The following ADGRL3 variants were observed in gnomAD, a reference collection of about 807,000 sequenced individuals.
The protein encoded by ADGRL3 is calcium-independent alpha-latrotoxin receptor 3.
Under a neutral mutation model 153.5 loss-of-function variants are expected in ADGRL3, and 62 were observed. The ratio of observed to expected loss-of-function variants is 0.40; its 90% CI spans 0.33 to 0.50. The LOEUF is 0.50. ADGRL3 is among the 20% of genes least tolerant of loss of function. The probability of loss-of-function intolerance (pLI) is 0.47; values close to 1 mark genes in which losing one functional copy is unlikely to be tolerated. For missense variants in ADGRL3, 1,641 were observed against 1,859.4 expected, an observed-to-expected ratio of 0.88 and a Z score of 2.16; for synonymous variants, 710 against 672.5, an observed-to-expected ratio of 1.06 and a Z score of -0.86.
intron 17 of ADGRL3, among the ~76,000 whole-genome samples, chr4:61,971,599 A>G (rs2099027995): frequency 6.6e-6 from 1 of 151,938 alleles, no homozygotes. Context: ...GCTATTGTGA[A>G]TAGTGCTGCA....
chr4:61,367,490 TG>T (rs1323850954), intron 1 of ADGRL3, among the ~76,000 whole-genome samples: 10 of 151,552 alleles, frequency 6.6e-5, no homozygotes, highest in Admixed American at 3.3e-4. Flanking sequence ...ATGCGGTGTT[TG>T]GTTTTTTGTT....
At chr4:61,969,615 A>G (rs1461884915) in intron 17 of ADGRL3, among the ~76,000 whole-genome samples, 1 of 152,160 alleles carries the variant, frequency 6.6e-6, no homozygotes, top group African/African-American at 2.4e-5. Flanking sequence ...ACAATATAAA[A>G]ATTAAAGTAG....
intron 4 of ADGRL3, chr4:61,583,815 T>C (rs2098935593): frequency 1.0e-5 from 5 of 501,470 alleles, no homozygotes; most frequent in South Asian, 7.3e-5. Flanking sequence ...TGTTCTTTGA[T>C]ATAACAGATT....
intron 6 of ADGRL3, among the ~76,000 whole-genome samples, chr4:61,685,714 C>T (rs533540778): frequency 6.6e-6 from 1 of 152,248 alleles, no homozygotes; most frequent in South Asian, 2.1e-4. Flanking sequence ...GCAATTAGCA[C>T]TGTCACCACT....
intron 22 of ADGRL3, 76 bp from the exon 23 acceptor site, chr4:62,031,366 C>T (rs943857292): frequency 5.0e-6 from 6 of 1,202,136 alleles, no homozygotes; most frequent in African/African-American, 3.0e-5. Context: ...TTTTCAGTGT[C>T]GTATTGTTGA....
intron 1 of ADGRL3, among the ~76,000 whole-genome samples, chr4:61,270,473 C>A (rs2093105114): frequency 6.6e-6 from 1 of 151,566 alleles, no homozygotes; most frequent in African/African-American, 2.4e-5. Context: ...ATGAAAAAAA[C>A]CTGCTTATTT....
intron 6 of ADGRL3, among the ~76,000 whole-genome samples, chr4:61,720,657 G>T (rs1194862060): frequency 1.3e-5 from 2 of 152,150 alleles, no homozygotes; most frequent in Admixed American, 6.5e-5. Context: ...TTGTGCTCTG[G>T]TGAGAAGCCT....
At chr4:61,565,403 C>A (rs937434795) in intron 4 of ADGRL3, among the ~76,000 whole-genome samples, 9 of 151,970 alleles carry the variant, frequency 5.9e-5, no homozygotes, top group African/African-American at 2.2e-4. Context: ...ATTATTTTGG[C>A]ATAATTGATG....
chr4:61,371,483 C>T (rs1202774065), intron 1 of ADGRL3, among the ~76,000 whole-genome samples: 2 of 151,432 alleles, frequency 1.3e-5, no homozygotes, highest in Admixed American at 6.6e-5. Context: ...TTCTCCTTCA[C>T]TTATGAAGCT....
chr4:61,213,888 A>G (rs1741358957), intron 1 of ADGRL3, among the ~76,000 whole-genome samples: 1 of 152,102 alleles, frequency 6.6e-6, no homozygotes, highest in East Asian at 1.9e-4. Flanking sequence ...CTTGAAGTAT[A>G]ATTACTAGAT....
intron 2 of ADGRL3, among the ~76,000 whole-genome samples, chr4:61,422,099 C>T (rs1197035900): frequency 6.6e-6 from 1 of 152,026 alleles, no homozygotes; most frequent in Non-Finnish European, 1.5e-5. Context: ...CAAAGATGTG[C>T]CCCAACAAAG....
chr4:61,895,015 CA>C (rs1331585211), intron 10 of ADGRL3, among the ~76,000 whole-genome samples: 20 of 152,282 alleles, frequency 1.3e-4, no homozygotes, highest in African/African-American at 4.8e-4. Flanking sequence ...TCCCAAAGAA[CA>C]TATATTTTTC....
At chr4:61,834,141 G>A (rs1474786484) in intron 9 of ADGRL3, among the ~76,000 whole-genome samples, 1 of 131,930 alleles carries the variant, frequency 7.6e-6, no homozygotes, top group African/African-American at 3.0e-5. Flanking sequence ...GCCCTGGTGT[G>A]TGATGTTCAC....
intron 1 of ADGRL3, among the ~76,000 whole-genome samples, chr4:61,204,350 T>C (rs1736160385): frequency 6.6e-6 from 1 of 152,246 alleles, no homozygotes; most frequent in South Asian, 2.1e-4. Context: ...ATTTGTTTCA[T>C]TTCTAGATGA....
Position 61,979,780 on chromosome 4 carries a change from A to C in ADGRL3, c.3015+8A>C, listed in dbSNP as rs759395540. 6.2e-7 allele frequency: 1 copy of C among 1,608,884 alleles called. No individual in the cohort carries two copies. Among genetic ancestry groups the C allele is most frequent in the African/African-American group, 1.3e-5 (1 of 74,812 alleles). On this transcript the variant is annotated splice_region_variant and intron_variant, in intron 18 of 26. Transcript: ENST00000683033. ...AACCGAACTGACCAACCAGTAAGCA[A>C]CCTACATTGATACCAGTGAAGAATT...
chr4:61,423,173 T>C (rs1435180392), intron 2 of ADGRL3, among the ~76,000 whole-genome samples: 1 of 152,220 alleles, frequency 6.6e-6, no homozygotes, highest in Admixed American at 6.5e-5. Flanking sequence ...ATCTGGTTTA[T>C]GTAGTATTTT....
intron 9 of ADGRL3, among the ~76,000 whole-genome samples, chr4:61,844,274 G>A (rs774955154): frequency 6.6e-6 from 1 of 150,962 alleles, no homozygotes; most frequent in Non-Finnish European, 1.5e-5. Flanking sequence ...ATGGCCAGGC[G>A]CGGTGGCTCA....
intron 9 of ADGRL3, among the ~76,000 whole-genome samples, chr4:61,832,544 A>G (rs1316584523): frequency 2.6e-5 from 4 of 152,148 alleles, no homozygotes; most frequent in African/African-American, 9.7e-5. Context: ...TGGTTCTGAG[A>G]CGTTTGAATT....
At chr4:61,295,341 G>A (rs2150234716) in intron 1 of ADGRL3, among the ~76,000 whole-genome samples, 1 of 152,026 alleles carries the variant, frequency 6.6e-6, no homozygotes, top group East Asian at 1.9e-4. Context: ...CTCTTAAGGT[G>A]CCTAATTTAT....
Sources: gnomAD v4.1 joint callset for allele counts (sites outside exome capture counted in the v4.1 genomes callset) on GRCh38, gnomAD v4.1.1 for gene constraint, MANE v1.5 for transcripts, NCBI Gene and HGNC (gene_info 2026-07-23, HGNC 2026-07-21) for gene names.